The following CA5B variants were observed in gnomAD, a reference collection of about 807,000 sequenced individuals.
CA5B encodes the protein carbonic anhydrase 5B, also known as carbonic anhydrase 5B, mitochondrial.
Under a neutral mutation model 23.1 loss-of-function variants are expected in CA5B, and 15 were observed. The observed-to-expected ratio is 0.65, with a 90% CI of 0.43 to 1.00. CA5B has a LOEUF of 1.00. Among genes scored for constraint, CA5B ranks in the 50% least tolerant of loss-of-function variants. The probability of loss-of-function intolerance (pLI) is 0.00; values close to 1 mark genes in which losing one functional copy is unlikely to be tolerated. For synonymous variants in CA5B, 84 were observed against 98.5 expected, an observed-to-expected ratio of 0.85 and a Z score of 0.87; for missense variants, 236 against 252.2, an observed-to-expected ratio of 0.94 and a Z score of 0.43.
rs1433976724 is a variant in CA5B, at chrX:15,782,666, A to G, written c.*2A>G. The G allele has an allele frequency of 8.5e-7, 1 of 1,176,905 alleles. No individual in the cohort carries two copies. Among genetic ancestry groups the G allele is most frequent in the Non-Finnish European group, 1.1e-6 (1 of 877,014 alleles). On this transcript the variant is annotated 3_prime_UTR_variant, in exon 8 of 8. Transcript: ENST00000318636. ...GCCACCAGCCAAGCAACCCCCTAAA[A>G]CATTCATATCTAGGCAGTATTTTGC...
At chrX:15,757,564 C>A (rs776984448) in intron 2 of CA5B, among the ~76,000 whole-genome samples, 1 of 109,499 alleles carries the variant, frequency 9.1e-6, no homozygotes, top group African/African-American at 3.3e-5. Flanking sequence ...AAAAATTAGC[C>A]GGGCATGGTG....
chrX:15,748,951 C>CCCACGTAGCTGAAGCCCA lies in CA5B; in HGVS notation c.-53-1009_-53-1008insAAGCCCACCACGTAGCTG, dbSNP rs1257225600. On this transcript the variant is annotated intron_variant, in intron 1 of 7. Transcript: ENST00000318636. ...AAGAAAGGAGTTGGAAGATCTGAAG[C>CCCACGTAGCTGAAGCCCA]CCACGTAGCTGGTGGGCAGGCAGGA... is the stretch of plus-strand genomic sequence containing the variant. Among the ~76,000 whole-genome samples, 10 of 111,508 alleles carry CCCACGTAGCTGAAGCCCA rather than the reference C, an allele frequency of 9.0e-5. No individual in the cohort carries two copies. In the East Asian group the frequency reaches 2.8e-3, roughly 31 times the overall value.
In CA5B at chrX:15,750,146, C is replaced by A. The variant is rs752334695; in HGVS notation, c.123C>A (p.Tyr41Ter). ...CCTGCAGCCTCTATACTTGTACTTA[C>A]AAAACCCGGAACCGAGCCTGTGAGT... Reference protein sequence around the residue: ...ARPCSLYTCTYKTRNRALHPL... With the variant: ...ARPCSLYTCT The change falls in exon 2 of 8, where the codon TAC becomes TAA. Residue 41 changes from tyrosine to a stop codon, truncating the protein, a stop_gained. Coordinates refer to ENST00000318636, the MANE Select transcript of CA5B (RefSeq NM_007220.4). LOFTEE classifies it high-confidence loss of function. 6 of 1,209,698 alleles carry A rather than the reference C, an allele frequency of 5.0e-6. No individual in the cohort carries two copies. Among genetic ancestry groups the A allele is most frequent in the South Asian group, 1.8e-5 (1 of 56,783 alleles).
chrX:15,754,337 G>A, intron 2 of CA5B, among the ~76,000 whole-genome samples: 1 of 112,945 alleles, frequency 8.9e-6, no homozygotes, highest in Non-Finnish European at 1.9e-5. Context: ...CATAGGCTCA[G>A]TGCCTGCCTC....
At chrX:15,767,572 TTTTG>T (rs764057673) in intron 3 of CA5B, among the ~76,000 whole-genome samples, 11 of 109,539 alleles carry the variant, frequency 1.0e-4, no homozygotes, top group Admixed American at 2.9e-4. Context: ...CGGCTAATTT[TTTTG>T]TTTGTTTGTT....
intron 7 of CA5B, among the ~76,000 whole-genome samples, chrX:15,780,567 C>A (rs952647956): frequency 3.6e-5 from 4 of 112,025 alleles, no homozygotes; most frequent in Admixed American, 9.5e-5. Flanking sequence ...CCACCCCACC[C>A]AGCTGCATGG....
At chrX:15,738,549 C>T (rs906826700) in intron 1 of CA5B, among the ~76,000 whole-genome samples, 197 bp downstream of exon 1, 1 of 110,889 alleles carries the variant, frequency 9.0e-6, no homozygotes, top group African/African-American at 3.3e-5. Flanking sequence ...GTGTCGAACT[C>T]CCCCACCCCA....
chrX:15,745,183 A>AAAAAAAAAAAAAAAAAG (rs1555992328), intron 1 of CA5B, among the ~76,000 whole-genome samples: 3 of 86,778 alleles, frequency 3.5e-5, no homozygotes, highest in Non-Finnish European at 6.8e-5. Flanking sequence ...AAAAAAAAAA[A>AAAAAAAAAAAAAAAAAG]AAAAGAAAAG....
intron 2 of CA5B, among the ~76,000 whole-genome samples, chrX:15,757,054 CAAA>C (rs35364577): frequency 1.7e-5 from 1 of 59,773 alleles, no homozygotes; most frequent in African/African-American, 7.7e-5. Context: ...GACTCCGTCT[CAAA>C]AAAAAAAAAA....
intron 2 of CA5B, among the ~76,000 whole-genome samples, chrX:15,757,195 G>A (rs1931509049): frequency 9.4e-6 from 1 of 106,842 alleles, no homozygotes; most frequent in African/African-American, 3.4e-5. Flanking sequence ...CCAAGATGGT[G>A]AAACCCCATC....
In CA5B at chrX:15,775,480, G is replaced by C. The variant is rs143221287; in HGVS notation, c.618+172G>C. The C allele has an allele frequency of 1.1e-3, 1,099 of 982,350 alleles. 9 individuals carry two copies. The African/African-American group carries it at 0.018, about 16-fold the overall frequency. 81.0% of individuals were successfully genotyped at this position (982,350 alleles called of 1,213,427 possible). ...GGGGACAGAAGTCATCATTCTGTGG[G>C]TAGGCAGTGAGCTTTCTGGTTTTGC... On this transcript the variant is annotated intron_variant, in intron 6 of 7. Transcript: ENST00000318636.
rs747756235 is a variant in CA5B, at chrX:15,744,431, C to T, written c.-53-5540C>T. ...ACAGCTCTCCTGGCTGGCGGCCATG[C>T]CCTTGGCCTTGTCTTATCACAAGCT... On this transcript the variant is annotated intron_variant, in intron 1 of 7. Transcript: ENST00000318636. Among the ~76,000 whole-genome samples, 3 of 112,630 alleles carry T rather than the reference C, an allele frequency of 2.7e-5. No homozygotes were observed. In the East Asian group the frequency reaches 8.5e-4, roughly 32 times the overall value.
chrX:15,750,679 T>G (rs192058833), intron 2 of CA5B, among the ~76,000 whole-genome samples: 87 of 112,575 alleles, frequency 7.7e-4, no homozygotes, highest in Non-Finnish European at 1.1e-3. Context: ...TGTCCTGAGT[T>G]AGGAATTACT....
At chrX:15,773,631 G>A (rs1931864746) in intron 4 of CA5B, among the ~76,000 whole-genome samples, 1 of 109,735 alleles carries the variant, frequency 9.1e-6, no homozygotes, top group African/African-American at 3.3e-5. Flanking sequence ...GGATGGTCTC[G>A]ATCTCCTGAC....
At chrX:15,766,375 A>G (rs139740771) in intron 3 of CA5B, among the ~76,000 whole-genome samples, 2,763 of 110,231 alleles carry the variant, frequency 0.025, 86 homozygotes, top group African/African-American at 0.086. Flanking sequence ...TTCAGAAGGT[A>G]TTTGAGTCTG....
chrX:15,754,669 TAAG>T (rs1931454229), intron 2 of CA5B, among the ~76,000 whole-genome samples: 1 of 112,770 alleles, frequency 8.9e-6, no homozygotes, highest in Admixed American at 9.4e-5. Flanking sequence ...AATGGTCACA[TAAG>T]AAGATTTAGG....
At chrX:15,764,956 C>A in intron 3 of CA5B, 181 bp downstream of exon 3, 2 of 638,141 alleles carry the variant, frequency 3.1e-6, no homozygotes, top group East Asian at 3.7e-5. Flanking sequence ...TGCATATTTT[C>A]TTCAACTAGT....
intron 1 of CA5B, among the ~76,000 whole-genome samples, chrX:15,743,452 G>A (rs1931162654): frequency 8.9e-6 from 1 of 111,872 alleles, no homozygotes; most frequent in South Asian, 3.7e-4. Context: ...TAAGGGTAAG[G>A]GCTTTGTTCT....
intron 2 of CA5B, among the ~76,000 whole-genome samples, chrX:15,754,081 G>T (rs781546578): frequency 8.9e-6 from 1 of 111,919 alleles, no homozygotes; most frequent in Non-Finnish European, 1.9e-5. Context: ...CTGGTCAGTT[G>T]TGCCTAAACT....
Sources: gnomAD v4.1 joint callset for allele counts (sites outside exome capture counted in the v4.1 genomes callset) on GRCh38, gnomAD v4.1.1 for gene constraint, MANE v1.5 for transcripts, NCBI Gene and HGNC (gene_info 2026-07-23, HGNC 2026-07-21) for gene names.